YLPM1: variants seen among roughly 807,000 people sequenced by gnomAD.
The protein encoded by YLPM1 is YLP motif-containing protein 1.
YLPM1 carries 99 observed loss-of-function variants against 230.0 expected under a neutral mutation model. The ratio of observed to expected loss-of-function variants is 0.43; its 90% confidence interval spans 0.37 to 0.51. The LOEUF (loss-of-function observed/expected upper bound fraction) is 0.51, where lower values mean the gene tolerates loss of function less well. Among genes scored for constraint, YLPM1 ranks in the 20% least tolerant of loss-of-function variants. The pLI is 0.00. For missense variants in YLPM1, 2,592 were observed against 2,707.7 expected (o/e 0.96, Z 0.95); for synonymous variants, 984 against 942.5 (o/e 1.04, Z -0.81).
At chr14:74,772,526 G>T (rs6574192) in intron 1 of YLPM1, among the ~76,000 whole-genome samples, 109,574 of 151,612 alleles carry the variant, frequency 0.72, 39,670 homozygotes, top group East Asian at 0.78. Flanking sequence ...ACCCAGCTAA[G>T]TTTTGTATTT....
intron 1 of YLPM1, among the ~76,000 whole-genome samples, chr14:74,777,593 G>A (rs572780887): frequency 1.3e-5 from 2 of 151,790 alleles, no homozygotes; most frequent in African/African-American, 4.8e-5. Context: ...ATAAAACACA[G>A]CATATTCTCT....
intron 6 of YLPM1, among the ~76,000 whole-genome samples, chr14:74,806,637 T>A (rs1485356931): frequency 1.3e-5 from 2 of 152,158 alleles, no homozygotes; most frequent in Non-Finnish European, 2.9e-5. Context: ...ACATCTATAC[T>A]ATAGCCTCGT....
At chr14:74,827,354 T>C in intron 18 of YLPM1, 1 of 985,348 alleles carries the variant, frequency 1.0e-6, no homozygotes, top group Non-Finnish European at 1.2e-6. Context: ...GCCATCCATC[T>C]GTGTGTTTGG....
At chr14:74,789,249 G>A (rs1424420040) in intron 4 of YLPM1, among the ~76,000 whole-genome samples, 6 of 151,920 alleles carry the variant, frequency 3.9e-5, no homozygotes, top group South Asian at 2.1e-4. Flanking sequence ...TTCTTGAGAC[G>A]GAGTCTCAGT....
chr14:74,802,518 C>A, intron 5 of YLPM1, 38 bp from the exon 6 acceptor site: 1 of 1,574,572 alleles, frequency 6.4e-7, no homozygotes, highest in South Asian at 1.2e-5. Flanking sequence ...ATGGAATAAG[C>A]ATGCTTTATG....
At chr14:74,796,472 G>A (rs908471513) in intron 4 of YLPM1, among the ~76,000 whole-genome samples, 2 of 152,098 alleles carry the variant, frequency 1.3e-5, no homozygotes, top group Non-Finnish European at 2.9e-5. Context: ...CTCAACATAA[G>A]CCTCTCCAAT....
intron 5 of YLPM1, 31 bp from the exon 6 acceptor site, chr14:74,802,525 T>A: frequency 1.3e-6 from 2 of 1,599,384 alleles, no homozygotes; most frequent in Non-Finnish European, 1.7e-6. Context: ...AAGCATGCTT[T>A]ATGTACTATG....
In YLPM1 at chr14:74,816,746, T is replaced by A. The variant is rs1019395806; in HGVS notation, c.5685+56T>A. 3.2e-6 allele frequency: 5 copies of A among 1,542,158 alleles called. No individual in the cohort carries two copies. The African/African-American group carries it at 6.9e-5, about 21-fold the overall frequency. ...TTCATTAATAGTATTTAAAGGAAAA[T>A]GTGTTTGGAGAGAAATGTGGCTTTT... is the stretch of plus-strand genomic sequence containing the variant. On this transcript the variant is annotated intron_variant, in intron 13 of 20. Coordinates refer to ENST00000325680, the MANE Select transcript of YLPM1 (RefSeq NM_019589.3).
intron 4 of YLPM1, among the ~76,000 whole-genome samples, chr14:74,785,465 A>G (rs1566744539): frequency 6.6e-6 from 1 of 152,220 alleles, no homozygotes; most frequent in African/African-American, 2.4e-5. Context: ...CTTATAGAGT[A>G]TAGTTTGGGA....
At chr14:74,801,804 T>G (rs2091328701) in intron 5 of YLPM1, among the ~76,000 whole-genome samples, 1 of 152,250 alleles carries the variant, frequency 6.6e-6, no homozygotes, top group Admixed American at 6.5e-5. Context: ...ATATTTTGCT[T>G]TGTAAATATG....
intron 19 of YLPM1, 151 bp from the exon 20 acceptor site, chr14:74,835,114 G>T: frequency 3.1e-6 from 3 of 952,866 alleles, no homozygotes; most frequent in Non-Finnish European, 4.5e-6. Context: ...TAAAATATAT[G>T]GCTTTTCCCA....
intron 4 of YLPM1, among the ~76,000 whole-genome samples, chr14:74,790,387 G>C (rs1360045635): frequency 1.3e-5 from 2 of 152,140 alleles, no homozygotes; most frequent in Non-Finnish European, 2.9e-5. Context: ...AAACAGGAAG[G>C]AATTTAATTC....
At chr14:74,828,217 C>T (rs1248270765) in intron 18 of YLPM1, among the ~76,000 whole-genome samples, 2 of 152,144 alleles carry the variant, frequency 1.3e-5, no homozygotes, top group African/African-American at 4.8e-5. Flanking sequence ...TATATACACT[C>T]TTTATGGAAT....
At position 74,787,577 on chromosome 14, in the gene YLPM1, A is replaced by G. The variant is rs867660760; in HGVS notation, c.2282+5252A>G. Among the ~76,000 whole-genome samples, 4 of 149,304 alleles carry G rather than the reference A, an allele frequency of 2.7e-5. No individual in the cohort carries two copies. In the South Asian group the frequency reaches 8.4e-4, roughly 31 times the overall value. On this transcript the variant is annotated intron_variant, in intron 4 of 20. Coordinates refer to ENST00000325680, the MANE Select transcript of YLPM1 (RefSeq NM_019589.3). Reference sequence around the variant, plus strand: ...AGAGCGAGAACGAGATTCCGTCTCAAAAAAAAAAAAGAAACTAAACGCTGC... The same window carrying G: ...AGAGCGAGAACGAGATTCCGTCTCAGAAAAAAAAAAGAAACTAAACGCTGC...
chr14:74,792,672 A>G (rs2091218380), intron 4 of YLPM1, among the ~76,000 whole-genome samples: 1 of 152,194 alleles, frequency 6.6e-6, no homozygotes, highest in Non-Finnish European at 1.5e-5. Flanking sequence ...CACTACTTAA[A>G]CACTTACACA....
At chr14:74,788,987 G>A (rs72732196) in intron 4 of YLPM1, among the ~76,000 whole-genome samples, 10,445 of 151,794 alleles carry the variant, frequency 0.069, 411 homozygotes, top group Non-Finnish European at 0.1. Flanking sequence ...TATTTTTTCC[G>A]AATAACTATC....
At chr14:74,809,324 A>T in intron 6 of YLPM1, 56 bp from the exon 7 acceptor site, 1 of 1,522,080 alleles carries the variant, frequency 6.6e-7, no homozygotes, top group Non-Finnish European at 8.7e-7. Flanking sequence ...ATTTCCACTG[A>T]TCTATAAAAA....
At position 74,834,527 on chromosome 14, in the gene YLPM1, A is replaced by G. The variant is rs534988007; in HGVS notation, c.6295-738A>G. Among the ~76,000 whole-genome samples the G allele has an allele frequency of 2.0e-5, 3 of 152,322 alleles. No individual in the cohort carries two copies. The East Asian group carries it at 5.8e-4, about 29-fold the overall frequency. The stretch of plus-strand genomic sequence containing the variant: ...ACGGTGTGGAAGTTCAAAAGCAGAC[A>G]TATCAAAATCCGGAAGTTAACTGTG... On this transcript the variant is annotated intron_variant, in intron 19 of 20. Coordinates refer to ENST00000325680, the MANE Select transcript of YLPM1 (RefSeq NM_019589.3).
At chr14:74,805,557 C>T (rs553167173) in intron 6 of YLPM1, among the ~76,000 whole-genome samples, 1 of 151,178 alleles carries the variant, frequency 6.6e-6, no homozygotes, top group Admixed American at 6.6e-5. Context: ...CGCGTTGTTG[C>T]CCAGGCTGGT....
Sources: gnomAD v4.1 joint callset for allele counts (sites outside exome capture counted in the v4.1 genomes callset) on GRCh38, gnomAD v4.1.1 for gene constraint, MANE v1.5 for transcripts, NCBI Gene and HGNC (gene_info 2026-07-23, HGNC 2026-07-21) for gene names.